ABCA5: variants seen among roughly 807,000 people sequenced by gnomAD.
The protein encoded by ABCA5 is cholesterol transporter ABCA5.
A neutral mutation model predicts 206.0 loss-of-function variants in ABCA5; 163 were observed. That is an observed-to-expected ratio of 0.79 (90% CI 0.70 to 0.90). The LOEUF (loss-of-function observed/expected upper bound fraction) is 0.90. Ranked by LOEUF, ABCA5 falls within the 40% of genes least tolerant of loss-of-function variation. The pLI is 0.00. For missense variants in ABCA5, 1,859 were observed against 1,912.9 expected (o/e 0.97, Z 0.53); for synonymous variants, 609 against 613.8 (o/e 0.99, Z 0.11).
chr17:69,267,860 C>G (rs1444506243), intron 23 of ABCA5, 83 bp downstream of exon 23: 3 of 654,800 alleles, frequency 4.6e-6, no homozygotes, highest in Non-Finnish European at 5.3e-6. Flanking sequence ...AACAATTATA[C>G]TAAGCCTTGC....
chr17:69,257,702 C>T (rs1174907026), intron 28 of ABCA5, among the ~76,000 whole-genome samples: 2 of 148,004 alleles, frequency 1.4e-5, no homozygotes. Context: ...CACTGAGATC[C>T]AGAAAGGAAA....
At chr17:69,311,446 T>C (rs1352916317) in intron 3 of ABCA5, among the ~76,000 whole-genome samples, 3 of 152,150 alleles carry the variant, frequency 2.0e-5, no homozygotes, top group African/African-American at 7.2e-5. Flanking sequence ...TGGCATCTAA[T>C]ACACACTGAC....
At chr17:69,323,750 T>A (rs183704927) in intron 1 of ABCA5, among the ~76,000 whole-genome samples, 15 of 152,270 alleles carry the variant, frequency 9.9e-5, no homozygotes, top group Admixed American at 9.8e-4. Context: ...ACAGATTCCT[T>A]TATCAAGGCT....
intron 20 of ABCA5, among the ~76,000 whole-genome samples, chr17:69,271,785 A>G (rs2075276664): frequency 6.6e-6 from 1 of 152,208 alleles, no homozygotes; most frequent in Non-Finnish European, 1.5e-5. Context: ...TAACCTGCTA[A>G]GTTCAGAAAG....
Position 69,286,244 on chromosome 17 carries a change from T to A in ABCA5, c.2109A>T (p.Lys703Asn), listed in dbSNP as rs748385073. The A allele has an allele frequency of 6.2e-7, 1 of 1,600,894 alleles. No homozygotes were observed. Among genetic ancestry groups the A allele is most frequent in the Non-Finnish European group, 8.5e-7 (1 of 1,176,748 alleles). Residue 703 changes from lysine to asparagine, a missense_variant, in exon 16 of 39, where the codon AAA becomes AAT. Lys to Asn is a moderately conservative substitution (Grantham distance 94). Coordinates refer to ENST00000392676, the MANE Select transcript of ABCA5 (RefSeq NM_172232.4). ...ACCTCAGGCGGTAGCCGATCCCCCA[T>A]TTACTTTTGAGGAACATTGAAGAAC... ...CVGSSMFLKS[K>N]WGIGYRLSMY...
At chr17:69,272,751 A>G (rs1424296327) in intron 20 of ABCA5, among the ~76,000 whole-genome samples, 1 of 152,200 alleles carries the variant, frequency 6.6e-6, no homozygotes, top group Non-Finnish European at 1.5e-5. Flanking sequence ...GTTCTCACTC[A>G]TTTATCCATC....
chr17:69,262,076 G>A (rs1421756628), intron 24 of ABCA5, among the ~76,000 whole-genome samples: 1 of 151,758 alleles, frequency 6.6e-6, no homozygotes, highest in East Asian at 1.9e-4. Context: ...TGACAAAATC[G>A]GTAAATTTAC....
In ABCA5 at chr17:69,271,203, C is replaced by A; in HGVS notation, c.2851G>T (p.Ala951Ser). The A allele has an allele frequency of 6.2e-7, 1 of 1,613,330 alleles. No homozygotes were observed. Among genetic ancestry groups the A allele is most frequent in the South Asian group, 1.1e-5 (1 of 90,964 alleles). ...ACATTTAAAGCCGCACTATGGGGAG[C>A]CACGGATACATAGTCACTGTCATTA... ...MINDSDYVSV[A>S]PHSAALNVMH... Residue 951 changes from alanine (A) to serine (S), a missense_variant, in exon 21 of 39, where the codon GCT becomes TCT. Coordinates refer to ENST00000392676, the MANE Select transcript of ABCA5 (RefSeq NM_172232.4).
chr17:69,250,719 A>G (rs2075002775), intron 35 of ABCA5, 98 bp from the exon 36 acceptor site: 4 of 839,522 alleles, frequency 4.8e-6, no homozygotes, highest in Non-Finnish European at 6.9e-6. Context: ...ATATACCTTT[A>G]TATTTAGAGA....
chr17:69,252,583 C>T (rs950060211), intron 34 of ABCA5, among the ~76,000 whole-genome samples: 5 of 152,082 alleles, frequency 3.3e-5, no homozygotes, highest in Non-Finnish European at 7.4e-5. Context: ...CACCTGTAAT[C>T]CCAGCAGTTT....
intron 1 of ABCA5, among the ~76,000 whole-genome samples, chr17:69,317,433 A>ACTG (rs1436575270): frequency 6.7e-6 from 1 of 150,168 alleles, no homozygotes; most frequent in East Asian, 2.0e-4. Flanking sequence ...GGAATGAAGT[A>ACTG]CTGCTATATG....
Position 69,271,177 on chromosome 17 carries a change from C to G in ABCA5, c.2877G>C (p.Val959=). Residue 959 remains valine (V), a synonymous_variant, in exon 21 of 39, where the codon GTG becomes GTC. Transcript: ENST00000392676. ...TTCATCTTACCTTTTCTGAATGCAT[C>G]ACATTTAAAGCCGCACTATGGGGAG... The part of the protein sequence containing the change: ...SVAPHSAALN[V]MHSEKDYVFA... 1 of 1,611,320 alleles carries G rather than the reference C, an allele frequency of 6.2e-7. No individual in the cohort carries two copies. Among genetic ancestry groups the G allele is most frequent in the East Asian group, 2.2e-5 (1 of 44,748 alleles).
chr17:69,317,252 A>C (rs967664934), intron 1 of ABCA5: 3 of 151,892 alleles, frequency 2.0e-5, no homozygotes, highest in Non-Finnish European at 4.4e-5. Flanking sequence ...AATATACAAA[A>C]ATTAGCTGGG....
At chr17:69,309,186 A>C in intron 4 of ABCA5, 76 bp downstream of exon 4, 1 of 1,231,568 alleles carries the variant, frequency 8.1e-7, no homozygotes, top group African/African-American at 1.5e-5. Flanking sequence ...TGAACTATAT[A>C]AAATTTTGAC....
chr17:69,284,154 C>T, intron 17 of ABCA5, 82 bp from the exon 18 acceptor site: 1 of 1,199,114 alleles, frequency 8.3e-7, no homozygotes, highest in Non-Finnish European at 1.1e-6. Context: ...AAAATAAGTT[C>T]ATGAACAGCC....
chr17:69,300,576 C>T (rs959249959), intron 9 of ABCA5, among the ~76,000 whole-genome samples: 1 of 151,982 alleles, frequency 6.6e-6, no homozygotes, highest in South Asian at 2.1e-4. Context: ...GTGGCCTGTG[C>T]TACTGAAAAA....
chr17:69,318,404 T>C (rs2075835208), intron 1 of ABCA5, among the ~76,000 whole-genome samples: 2 of 152,140 alleles, frequency 1.3e-5, no homozygotes, highest in Non-Finnish European at 2.9e-5. Flanking sequence ...CCATAATTTT[T>C]GAGAGGCAGT....
rs1185992040 is a variant in ABCA5, at chr17:69,246,247, A to G, written c.*1290T>C. On this transcript the variant is annotated 3_prime_UTR_variant, in exon 39 of 39. Coordinates refer to ENST00000392676, the MANE Select transcript of ABCA5 (RefSeq NM_172232.4). ...AGGTTTTGCTTATTTAAAGTAATTC[A>G]GTACCAAATCCTTCTGTCATTGCTG... 1 of 152,042 alleles carries G rather than the reference A, an allele frequency of 6.6e-6. No individual in the cohort carries two copies. Among genetic ancestry groups the G allele is most frequent in the African/African-American group, 2.4e-5 (1 of 41,466 alleles). 9.4% of individuals were successfully genotyped at this position (152,042 alleles called of 1,614,324 possible).
Position 69,290,021 on chromosome 17 carries a change from A to G in ABCA5, c.1623T>C (p.Tyr541=), listed in dbSNP as rs758071614. Reference sequence around the variant, plus strand: ...CATCTATTTCTGAGACTCTGTGTCCATATATAGATGCAAACCCTAAAAGCA... The same window carrying G: ...CATCTATTTCTGAGACTCTGTGTCCGTATATAGATGCAAACCCTAAAAGCA... The part of the protein sequence containing the change: ...CPPSDGFASI[Y]GHRVSEIDEM... The change falls in exon 13 of 39, where the codon TAT becomes TAC. Residue 541 remains tyrosine, a synonymous_variant. Transcript: ENST00000392676. 3.8e-6 allele frequency: 6 copies of G among 1,593,412 alleles called. No individual in the cohort carries two copies. In the African/African-American group the frequency reaches 8.1e-5, roughly 22 times the overall value.
Sources: allele counts gnomAD v4.1 joint callset (sites outside exome capture counted in the v4.1 genomes callset), GRCh38; gene constraint gnomAD v4.1.1; transcripts MANE v1.5; gene names NCBI Gene and HGNC (gene_info 2026-07-23, HGNC 2026-07-21).